Variants in CFAP70 observed in about 807,000 individuals in gnomAD.
The protein encoded by CFAP70 is cilia and flagella associated protein 70.
Under a neutral mutation model 137.6 loss-of-function variants are expected in CFAP70, and 81 were observed. The ratio of observed to expected loss-of-function variants is 0.59; its 90% confidence interval spans 0.49 to 0.71. The LOEUF (loss-of-function observed/expected upper bound fraction) is 0.71, where lower values mean the gene tolerates loss of function less well. Among genes scored for constraint, CFAP70 ranks in the 30% least tolerant of loss-of-function variants. CFAP70 has a pLI of 0.00. For synonymous variants in CFAP70, 382 were observed against 423.6 expected (o/e 0.90, Z 1.20); for missense variants, 976 against 1,226.7 (o/e 0.80, Z 3.05).
At chr10:73,355,061 AT>A (rs1418717598) in intron 1 of CFAP70, among the ~76,000 whole-genome samples, 105 of 152,344 alleles carry the variant, frequency 6.9e-4, no homozygotes, top group Non-Finnish European at 1.6e-4. Context: ...TAACTAACCC[AT>A]TAAGCACAAA....
Position 73,258,349 on chromosome 10 carries a change from T to C in CFAP70, c.3028-1933A>G, listed in dbSNP as rs1301025303. 3.3e-5 allele frequency among the ~76,000 whole-genome samples: 5 copies of C among 152,368 alleles called. No homozygotes were observed. The East Asian group carries it at 9.6e-4, about 29-fold the overall frequency. On this transcript the variant is annotated intron_variant, in intron 25 of 26. Coordinates refer to ENST00000310715, the Ensembl canonical transcript of CFAP70. ...CTTTACTGCAATCTCTGAACATAAA[T>C]TGTGAAGATTTCATGGACATTTATC...
At position 73,282,306 on chromosome 10, in the gene CFAP70, C is replaced by G. The variant is rs2047315403; in HGVS notation, c.2240-3969G>C. Among the ~76,000 whole-genome samples, 4 of 152,104 alleles carry G rather than the reference C, an allele frequency of 2.6e-5. No homozygotes were observed. In the South Asian group the frequency reaches 8.3e-4, roughly 31 times the overall value. On this transcript the variant is annotated intron_variant, in intron 19 of 26. Coordinates refer to ENST00000310715, the Ensembl canonical transcript of CFAP70. ...CCAAAACTGCACCACTCATGTCACA[C>G]AGCTGCAAGAACACAATGACAGGAT...
intron 25 of CFAP70, among the ~76,000 whole-genome samples, chr10:73,263,831 T>C (rs2045503653): frequency 6.6e-6 from 1 of 152,226 alleles, no homozygotes; most frequent in Non-Finnish European, 1.5e-5. Context: ...TTAGCATACA[T>C]TGATGATTGT....
chr10:73,348,501 G>T, exon 4 of CFAP70: 1 of 1,516,528 alleles, frequency 6.6e-7, no homozygotes, highest in South Asian at 1.4e-5. Context: ...TTTTCCTTTG[G>T]TAAAACTTCA....
At chr10:73,347,738 G>T (rs1005660389) in intron 4 of CFAP70, among the ~76,000 whole-genome samples, 4 of 152,138 alleles carry the variant, frequency 2.6e-5, no homozygotes, top group African/African-American at 9.7e-5. Context: ...TCCAGAAAGG[G>T]GTCTGGGCTA....
At chr10:73,267,957 G>A (rs1196945687) in intron 25 of CFAP70, among the ~76,000 whole-genome samples, 1 of 152,136 alleles carries the variant, frequency 6.6e-6, no homozygotes, top group Non-Finnish European at 1.5e-5. Context: ...AGCCAGAGAT[G>A]CTATACTGAA....
At chr10:73,298,077 G>A (rs1309606542) in intron 14 of CFAP70, among the ~76,000 whole-genome samples, 2 of 152,198 alleles carry the variant, frequency 1.3e-5, no homozygotes, top group Non-Finnish European at 2.9e-5. Flanking sequence ...TGTGTACAAA[G>A]GCAGTGTAGT....
chr10:73,341,722 G>T, intron 5 of CFAP70, 141 bp from the exon 7 acceptor site: 1 of 698,496 alleles, frequency 1.4e-6, no homozygotes, highest in Non-Finnish European at 2.4e-6. Context: ...CTAGAGAGGG[G>T]CCTGTGCCCT....
rs1240803818 is a variant in CFAP70, at chr10:73,331,346, A to T, written c.678-70T>A. 2.3e-6 allele frequency: 3 copies of T among 1,301,124 alleles called. No individual in the cohort carries two copies. The Admixed American group carries it at 6.3e-5, about 27-fold the overall frequency. 80.6% of individuals were successfully genotyped at this position (1,301,124 alleles called of 1,614,324 possible). A position where few individuals can be genotyped will look rare whatever the true frequency, so the allele number is the denominator to read the frequency against. ...AGTCAGTATAATTTAGGTTAAAGGG[A>T]AATATTCTCTTTTAGAAAGTAATAT... is the stretch of plus-strand genomic sequence containing the variant. On this transcript the variant is annotated intron_variant, in intron 7 of 26. Transcript: ENST00000310715.
intron 12 of CFAP70, among the ~76,000 whole-genome samples, chr10:73,300,814 C>T (rs567093791): frequency 1.2e-3 from 180 of 152,078 alleles, no homozygotes; most frequent in African/African-American, 4.2e-3. Flanking sequence ...GAGCTGAGAT[C>T]GCACCACTGC....
chr10:73,352,675 C>T (rs772376686), intron 3 of CFAP70, among the ~76,000 whole-genome samples: 10 of 152,254 alleles, frequency 6.6e-5, no homozygotes, highest in Middle Eastern at 3.4e-3. Flanking sequence ...TGTAGTTGTA[C>T]TCAGTGGGAG....
intron 3 of CFAP70, among the ~76,000 whole-genome samples, chr10:73,352,296 A>G (rs1034790067): frequency 6.6e-6 from 1 of 151,884 alleles, no homozygotes; most frequent in Non-Finnish European, 1.5e-5. Context: ...CTCATTTTTG[A>G]GCTTTGTGAG....
chr10:73,261,920 A>G (rs1443356017), intron 25 of CFAP70, among the ~76,000 whole-genome samples: 1 of 150,764 alleles, frequency 6.6e-6, no homozygotes, highest in African/African-American at 2.4e-5. Flanking sequence ...TAAAAGTTAC[A>G]AAATCAGTTC....
intron 3 of CFAP70, 78 bp downstream of exon 3, chr10:73,353,478 T>G: frequency 4.7e-6 from 6 of 1,266,748 alleles, no homozygotes; most frequent in Non-Finnish European, 6.7e-6. Flanking sequence ...AAAGAATGTT[T>G]TGGTTGTGCT....
intron 12 of CFAP70, among the ~76,000 whole-genome samples, chr10:73,308,745 C>A (rs189141365): frequency 2.1e-5 from 3 of 140,926 alleles, no homozygotes; most frequent in Admixed American, 7.0e-5. Context: ...TATTAAATAA[C>A]TGAAATAAGA....
intron 9 of CFAP70, among the ~76,000 whole-genome samples, chr10:73,317,215 A>G (rs890669716): frequency 1.3e-5 from 2 of 152,130 alleles, no homozygotes; most frequent in African/African-American, 4.8e-5. Flanking sequence ...ACAGGGTTGC[A>G]TCATGTTGGC....
In CFAP70 at chr10:73,349,299, G is replaced by A. The variant is rs191621178; in HGVS notation, c.251-778C>T. Among the ~76,000 whole-genome samples, 7 of 152,136 alleles carry A rather than the reference G, an allele frequency of 4.6e-5. No individual in the cohort carries two copies. The East Asian group carries it at 1.4e-3, about 29-fold the overall frequency. ...TTATGCCTGTAATCCCAGCACTTTG[G>A]GAAGCTGAGGCGGGCAGATCACGAG... On this transcript the variant is annotated intron_variant, in intron 3 of 26. Transcript: ENST00000310715.
intron 3 of CFAP70, among the ~76,000 whole-genome samples, chr10:73,351,929 AG>A (rs1205285167): frequency 8.5e-5 from 13 of 152,352 alleles, no homozygotes; most frequent in African/African-American, 2.9e-4. Context: ...TTGGGGTGGA[AG>A]TCTAGGTTCC....
chr10:73,261,778 A>AT (rs1485775926), intron 25 of CFAP70, among the ~76,000 whole-genome samples: 1 of 151,970 alleles, frequency 6.6e-6, no homozygotes, highest in Non-Finnish European at 1.5e-5. Flanking sequence ...AAGTGCTGAG[A>AT]TTACAGGCAT....
Sources: allele counts gnomAD v4.1 joint callset (sites outside exome capture counted in the v4.1 genomes callset), GRCh38; gene constraint gnomAD v4.1.1; transcripts MANE v1.5; gene names NCBI Gene and HGNC (gene_info 2026-07-23, HGNC 2026-07-21).